GABRA2: variants seen among roughly 807,000 people sequenced by gnomAD.
The protein encoded by GABRA2 is gamma-aminobutyric acid type A receptor subunit alpha2.
GABRA2 carries 16 observed loss-of-function variants against 48.7 expected under a neutral mutation model. The ratio of observed to expected loss-of-function variants is 0.33; its 90% CI spans 0.22 to 0.50. The LOEUF is 0.50. GABRA2 is among the 20% of genes least tolerant of loss of function. The pLI, the probability that GABRA2 is intolerant of heterozygous loss-of-function variation, is 0.98. For synonymous variants in GABRA2, 185 were observed against 184.5 expected, an observed-to-expected ratio of 1.00 and a Z score of -0.02; for missense variants, 275 against 535.6, an observed-to-expected ratio of 0.51 and a Z score of 4.80.
At chr4:46,251,415 C>G (rs1200504924) in intron 9 of GABRA2, among the ~76,000 whole-genome samples, 1 of 151,354 alleles carries the variant, frequency 6.6e-6, no homozygotes, top group Non-Finnish European at 1.5e-5. Flanking sequence ...ACAATGGCTT[C>G]TTTCTTTTGC....
At chr4:46,304,717 C>T (rs1174332572) in intron 7 of GABRA2, among the ~76,000 whole-genome samples, 1 of 151,852 alleles carries the variant, frequency 6.6e-6, no homozygotes, top group African/African-American at 2.4e-5. Flanking sequence ...ATCACGAGGT[C>T]AGGAGATCGA....
At chr4:46,253,002 T>C (rs1380136970) in intron 9 of GABRA2, among the ~76,000 whole-genome samples, 3 of 151,466 alleles carry the variant, frequency 2.0e-5, no homozygotes, top group Non-Finnish European at 3.0e-5. Context: ...CAGTGATTAC[T>C]GGTGTACAAG....
Position 46,361,893 on chromosome 4 carries a change from C to T in GABRA2, c.187+24181G>A, listed in dbSNP as rs1034487826. Among the ~76,000 whole-genome samples, 17 of 152,328 alleles carry T rather than the reference C, an allele frequency of 1.1e-4. No homozygotes were observed. In the South Asian group the frequency reaches 2.3e-3, roughly 20 times the overall value. On this transcript the variant is annotated intron_variant, in intron 3 of 9. Transcript: ENST00000381620. ...ATTGCCCCACTAGATTTTGGACTTGCATGAGGCCTGTAGGCCCTTTGTTTT... is the reference window on the plus strand; with the variant it reads ...ATTGCCCCACTAGATTTTGGACTTGTATGAGGCCTGTAGGCCCTTTGTTTT...
chr4:46,250,255 A>T lies in GABRA2; in HGVS notation c.*53T>A. Reference sequence around the variant, plus strand: ...TTATTAGTCAGACTGTACATAGCAAAACAAACCAAATTTAATGTTGCTATA... The same window carrying T: ...TTATTAGTCAGACTGTACATAGCAATACAAACCAAATTTAATGTTGCTATA... On this transcript the variant is annotated 3_prime_UTR_variant, in exon 10 of 10. Transcript: ENST00000381620. 6.6e-7 allele frequency: 1 copy of T among 1,515,788 alleles called. No individual in the cohort carries two copies. The highest frequency in any genetic ancestry group is 9.0e-7 in the Non-Finnish European group (1 of 1,111,702). The allele number at this position is 1,515,788 out of a possible 1,614,324, so 93.9% of individuals were successfully genotyped here.
chr4:46,286,413 T>C (rs60514963), intron 8 of GABRA2, among the ~76,000 whole-genome samples: 302 of 152,264 alleles, frequency 2.0e-3, no homozygotes, highest in African/African-American at 6.7e-3. Context: ...TAAACATCCA[T>C]GTACATGTTT....
intron 1 of GABRA2, chr4:46,389,474 G>T: frequency 1.1e-6 from 1 of 880,876 alleles, no homozygotes; most frequent in Non-Finnish European, 1.4e-6. Flanking sequence ...ATCACAGTGA[G>T]CAAAGTTGAA....
intron 9 of GABRA2, chr4:46,260,703 T>C (rs1716783992): frequency 6.6e-6 from 1 of 151,858 alleles, no homozygotes; most frequent in Admixed American, 6.6e-5. Context: ...AATGAAAACA[T>C]AAATCAATAT....
intron 8 of GABRA2, among the ~76,000 whole-genome samples, chr4:46,274,898 A>G (rs919991038): frequency 3.3e-5 from 5 of 152,108 alleles, no homozygotes; most frequent in South Asian, 4.1e-4. Flanking sequence ...CAAAGATGCT[A>G]AGAAACCAAA....
At chr4:46,260,878 G>A (rs1433227643) in intron 9 of GABRA2, 3 of 151,644 alleles carry the variant, frequency 2.0e-5, no homozygotes, top group African/African-American at 7.3e-5. Flanking sequence ...CAAAATTAAG[G>A]AAAAAGACCA....
intron 3 of GABRA2, among the ~76,000 whole-genome samples, chr4:46,351,151 T>C (rs895327218): frequency 2.6e-5 from 4 of 151,764 alleles, no homozygotes; most frequent in African/African-American, 9.7e-5. Flanking sequence ...CTATTAACCA[T>C]AGTGAATATT....
intron 3 of GABRA2, among the ~76,000 whole-genome samples, chr4:46,375,763 T>G (rs1715604683): frequency 6.6e-6 from 1 of 152,190 alleles, no homozygotes; most frequent in Admixed American, 6.5e-5. Context: ...CTAGAACACA[T>G]GAAAGCCAGA....
At chr4:46,365,953 C>T (rs1713971402) in intron 3 of GABRA2, 1 of 152,064 alleles carries the variant, frequency 6.6e-6, no homozygotes, top group African/African-American at 2.4e-5. Context: ...TTCAATATCA[C>T]TTATAATAAG....
At chr4:46,288,408 G>T (rs528811310) in intron 8 of GABRA2, among the ~76,000 whole-genome samples, 2 of 152,048 alleles carry the variant, frequency 1.3e-5, no homozygotes, top group Non-Finnish European at 2.9e-5. Flanking sequence ...CTGCAAACAG[G>T]CTTCGTACCT....
chr4:46,247,395 GAAT>G lies in GABRA2; in HGVS notation c.*2910_*2912del, dbSNP rs879667485. On this transcript the variant is annotated 3_prime_UTR_variant, in exon 10 of 10. Coordinates refer to ENST00000381620, the MANE Select transcript of GABRA2 (RefSeq NM_000807.4). ...AGTCTTTAATTTCAAGTCATTATAA[GAAT>G]GAGATGCACTTAAAATTTCAACTAA... is the stretch of plus-strand genomic sequence containing the variant. Among the ~76,000 whole-genome samples, 4 of 151,034 alleles carry G rather than the reference GAAT, an allele frequency of 2.6e-5. No homozygotes were observed. Among genetic ancestry groups the G allele is most frequent in the Non-Finnish European group, 4.4e-5 (3 of 67,422 alleles).
rs1713216234 is a variant in GABRA2 at position 46,243,868 on chromosome 4, A to G, written c.*6440T>C. On this transcript the variant is annotated 3_prime_UTR_variant, in exon 10 of 10. Transcript: ENST00000381620. The stretch of plus-strand genomic sequence containing the variant: ...TCGTATTATTAATTTGTAGCAAAGG[A>G]AAAATACTTTATTCCTTTTATTTTC... The G allele has an allele frequency of 6.6e-6, 1 of 151,542 alleles. No homozygotes were observed. Among genetic ancestry groups the G allele is most frequent in the African/African-American group, 2.4e-5 (1 of 41,404 alleles). 9.4% of individuals were successfully genotyped at this position (151,542 alleles called of 1,614,324 possible).
chr4:46,258,044 T>G (rs577465712), intron 9 of GABRA2, among the ~76,000 whole-genome samples: 1 of 151,930 alleles, frequency 6.6e-6, no homozygotes, highest in Admixed American at 6.6e-5. Context: ...GATGTTATAT[T>G]CAGGTAGAAA....
At chr4:46,361,612 C>T (rs943909027) in intron 3 of GABRA2, among the ~76,000 whole-genome samples, 1 of 152,216 alleles carries the variant, frequency 6.6e-6, no homozygotes, top group African/African-American at 2.4e-5. Flanking sequence ...ACTGGGGCAC[C>T]ACCTAGTGGA....
chr4:46,383,164 C>T (rs766416153), intron 3 of GABRA2, among the ~76,000 whole-genome samples: 2 of 152,056 alleles, frequency 1.3e-5, no homozygotes, highest in African/African-American at 2.4e-5. Flanking sequence ...CCACTAAATG[C>T]CAGTCGCTAT....
intron 4 of GABRA2, among the ~76,000 whole-genome samples, chr4:46,331,478 A>G (rs1731351566): frequency 6.6e-6 from 1 of 152,144 alleles, no homozygotes; most frequent in Non-Finnish European, 1.5e-5. Flanking sequence ...ATAAAAATGG[A>G]ATACTTTTTG....
Sources: allele counts gnomAD v4.1 joint callset (sites outside exome capture counted in the v4.1 genomes callset), GRCh38; gene constraint gnomAD v4.1.1; transcripts MANE v1.5; gene names NCBI Gene and HGNC (gene_info 2026-07-23, HGNC 2026-07-21).